GABRA5: variants seen among roughly 807,000 people sequenced by gnomAD.
GABRA5 encodes the protein gamma-aminobutyric acid type A receptor subunit alpha5.
GABRA5 carries 18 observed loss-of-function variants against 47.3 expected under a neutral mutation model. That is an observed-to-expected ratio of 0.38 (90% confidence interval 0.26 to 0.56). GABRA5 has a LOEUF of 0.56. Among genes scored for constraint, GABRA5 ranks in the 20% least tolerant of loss-of-function variants. The probability of loss-of-function intolerance (pLI) is 0.71; values close to 1 mark genes in which losing one functional copy is unlikely to be tolerated. For missense variants in GABRA5, 365 were observed against 599.3 expected, an observed-to-expected ratio of 0.61 and a Z score of 4.08; for synonymous variants, 237 against 229.3, an observed-to-expected ratio of 1.03 and a Z score of -0.30.
rs572806771 is a variant in GABRA5, at chr15:26,877,450, G to A, written c.87-3396G>A. Among the ~76,000 whole-genome samples the A allele has an allele frequency of 5.3e-5, 8 of 152,240 alleles. No homozygotes were observed. The South Asian group carries it at 1.5e-3, about 28-fold the overall frequency. ...TTTTCAGAAGTCATTAAATACTGGG[G>A]AAGAACAAAGTTTAAGAAGACAGAT... On this transcript the variant is annotated intron_variant, in intron 3 of 10. Transcript: ENST00000335625.
intron 7 of GABRA5, among the ~76,000 whole-genome samples, chr15:26,921,115 T>C (rs1893833521): frequency 6.6e-6 from 1 of 152,174 alleles, no homozygotes; most frequent in South Asian, 2.1e-4. Flanking sequence ...ATCTTTTGTT[T>C]TGGTGCCAGG....
chr15:26,884,516 G>A (rs1396971046), intron 6 of GABRA5, among the ~76,000 whole-genome samples: 2 of 152,028 alleles, frequency 1.3e-5, no homozygotes, highest in Non-Finnish European at 2.9e-5. Context: ...AAAAAAGGAA[G>A]CACATTCCTT....
intron 7 of GABRA5, among the ~76,000 whole-genome samples, chr15:26,931,518 T>C (rs1894108085): frequency 6.6e-6 from 1 of 152,186 alleles, no homozygotes; most frequent in South Asian, 2.1e-4. Context: ...ATAAGAATTT[T>C]GTGAAAGACA....
rs139899743 is a variant in GABRA5 at position 26,873,753 on chromosome 15, C to T, written c.86+4419C>T. On this transcript the variant is annotated intron_variant, in intron 3 of 10. Coordinates refer to ENST00000335625, the MANE Select transcript of GABRA5 (RefSeq NM_000810.4). ...ACCATAGCTGCGGGTTCATGAGGCC[C>T]GGGACAGTTATGATAACAATTCTGA... Among the ~76,000 whole-genome samples the T allele has an allele frequency of 6.1e-4, 93 of 152,200 alleles. 1 individual carries two copies. In the East Asian group the frequency reaches 0.015, roughly 25 times the overall value.
At chr15:26,928,360 G>A (rs1275422206) in intron 7 of GABRA5, among the ~76,000 whole-genome samples, 2 of 152,146 alleles carry the variant, frequency 1.3e-5, no homozygotes, top group Non-Finnish European at 2.9e-5. Context: ...TTACAGTCTC[G>A]ACAGTTGTAG....
chr15:26,883,085 G>T lies in GABRA5; in HGVS notation c.209-81G>T, dbSNP rs1316796993. ...CCCCCGGTTGCAGAGGGTGACCCTGGTTACTGGACTGAGAGCACGAGAGTG... is the reference window on the plus strand; with the variant it reads ...CCCCCGGTTGCAGAGGGTGACCCTGTTTACTGGACTGAGAGCACGAGAGTG... On this transcript the variant is annotated intron_variant, in intron 4 of 10. Coordinates refer to ENST00000335625, the MANE Select transcript of GABRA5 (RefSeq NM_000810.4). The surrounding 1 kb of genome is among the most constrained non-coding windows in gnomAD (Gnocchi z 4.8). 1 of 1,146,624 alleles carries T rather than the reference G, an allele frequency of 8.7e-7. No homozygotes were observed. The highest frequency in any genetic ancestry group is 1.7e-5 in the Admixed American group (1 of 59,222). 71.0% of individuals were successfully genotyped at this position (1,146,624 alleles called of 1,614,324 possible).
rs1014692448 is a variant in GABRA5 at position 26,883,730 on chromosome 15, G to A, written c.497+173G>A. 1.1e-4 allele frequency among the ~76,000 whole-genome samples: 16 copies of A among 152,352 alleles called. No individual in the cohort carries two copies. The highest frequency in any genetic ancestry group is 3.4e-3 in the Middle Eastern group (1 of 294). Reference sequence around the variant, plus strand: ...TCTGCCCACACCAGCGCTCTTGGACGTTCTTTCCCAGGGCTGCCATAGGTC... The same window carrying A: ...TCTGCCCACACCAGCGCTCTTGGACATTCTTTCCCAGGGCTGCCATAGGTC... On this transcript the variant is annotated intron_variant, in intron 6 of 10. Coordinates refer to ENST00000335625, the MANE Select transcript of GABRA5 (RefSeq NM_000810.4). This position sits in a 1 kb window ranked among gnomAD's most constrained non-coding sequence, Gnocchi z 4.8.
Position 26,883,033 on chromosome 15 carries a change from C to G in GABRA5, c.209-133C>G. 2.7e-6 allele frequency: 2 copies of G among 750,568 alleles called. No homozygotes were observed. Among genetic ancestry groups the G allele is most frequent in the South Asian group, 1.4e-5 (1 of 69,602 alleles). 46.5% of individuals were successfully genotyped at this position (750,568 alleles called of 1,614,324 possible). On this transcript the variant is annotated intron_variant, in intron 4 of 10. Transcript: ENST00000335625. This position sits in a 1 kb window ranked among gnomAD's most constrained non-coding sequence, Gnocchi z 4.8. ...TTTCATCTGGTAATTGTCAAGTCCT[C>G]CAAATTTACCAAACGCACTGCAAAA...
intron 9 of GABRA5, among the ~76,000 whole-genome samples, chr15:26,941,001 C>T (rs1228090189): frequency 6.6e-6 from 1 of 152,204 alleles, no homozygotes; most frequent in East Asian, 1.9e-4. Context: ...CTTTCCAAAG[C>T]AGGAAAATAT....
chr15:26,908,255 A>T (rs1200106962), intron 6 of GABRA5, among the ~76,000 whole-genome samples: 1 of 152,046 alleles, frequency 6.6e-6, no homozygotes. Context: ...CCTTTCCAAG[A>T]CGCCCCACTC....
At position 26,948,198 on chromosome 15, in the gene GABRA5, G is replaced by T; in HGVS notation, c.1354G>T (p.Glu452Ter). ...TTACTGGGCAACGTATTTGAATAGGGAGCCGGTGATAAAAGGAGCCGCCTC... is the reference window on the plus strand; with the variant it reads ...TTACTGGGCAACGTATTTGAATAGGTAGCCGGTGATAAAAGGAGCCGCCTC... The part of the protein sequence containing the change: ...LVYWATYLNR[E>*]PVIKGAASPK The change falls in exon 11 of 11, where the codon GAG becomes TAG. Residue 452 changes from glutamate to a stop codon, truncating the protein, a stop_gained. Transcript: ENST00000335625. LOFTEE classifies it high-confidence loss of function. 6.2e-7 allele frequency: 1 copy of T among 1,613,310 alleles called. No homozygotes were observed. Among genetic ancestry groups the T allele is most frequent in the Non-Finnish European group, 8.5e-7 (1 of 1,179,776 alleles).
At chr15:26,930,104 C>T (rs996920496) in intron 7 of GABRA5, among the ~76,000 whole-genome samples, 11 of 151,668 alleles carry the variant, frequency 7.3e-5, no homozygotes, top group African/African-American at 2.7e-4. Context: ...CCTCCACCTC[C>T]CGGGTTCAAG....
At chr15:26,894,911 T>C (rs9330524) in intron 6 of GABRA5, among the ~76,000 whole-genome samples, 145,867 of 152,030 alleles carry the variant, frequency 0.96, 70,092 homozygotes, top group East Asian at 1. Context: ...TCTGTCTATT[T>C]TATTTTCTGA....
At chr15:26,877,613 C>A in intron 3 of GABRA5, 1 of 452,792 alleles carries the variant, frequency 2.2e-6, no homozygotes. Flanking sequence ...TCACACACTG[C>A]CTTCACTAGC....
rs756569955 is a variant in GABRA5 at position 26,883,182 on chromosome 15, G to A, written c.225G>A (p.Val75=). 1.3e-5 allele frequency: 21 copies of A among 1,613,908 alleles called. No homozygotes were observed. The highest frequency in any genetic ancestry group is 1.8e-5 in the Non-Finnish European group (21 of 1,179,834). Residue 75 remains valine (V), a synonymous_variant, in exon 5 of 11, where the codon GTG becomes GTA. Coordinates refer to ENST00000335625, the MANE Select transcript of GABRA5 (RefSeq NM_000810.4). This position sits in a 1 kb window ranked among gnomAD's most constrained non-coding sequence, Gnocchi z 4.8. ...GTCTTTCAGAGCGCATCACTCAGGT[G>A]AGGACCGACATCTACGTCACCAGCT... ...RPGLGERITQ[V]RTDIYVTSFG...
At chr15:26,918,227 C>A (rs1229736390) in intron 7 of GABRA5, among the ~76,000 whole-genome samples, 1 of 152,006 alleles carries the variant, frequency 6.6e-6, no homozygotes, top group African/African-American at 2.4e-5. Context: ...TTCAAGGTAT[C>A]TTCTAAGTTC....
At chr15:26,929,347 C>T (rs577095742) in intron 7 of GABRA5, among the ~76,000 whole-genome samples, 8 of 152,300 alleles carry the variant, frequency 5.3e-5, no homozygotes, top group African/African-American at 1.7e-4. Context: ...CAGAACCGAG[C>T]GGGGCAAGTT....
intron 7 of GABRA5, among the ~76,000 whole-genome samples, chr15:26,924,440 T>C (rs1254297972): frequency 6.6e-6 from 1 of 152,180 alleles, no homozygotes; most frequent in East Asian, 1.9e-4. Flanking sequence ...GGAGAAAGTT[T>C]GGAACATCTA....
At chr15:26,866,776 AGGCCT>A (rs899725296), upstream of GABRA5, 5 of 152,306 alleles carry the variant, frequency 3.3e-5, no homozygotes, top group Non-Finnish European at 7.3e-5. Context: ...GGAAGGACCC[AGGCCT>A]GGGCAGGGAG....
Sources: gnomAD v4.1 joint callset for allele counts (sites outside exome capture counted in the v4.1 genomes callset) on GRCh38, gnomAD v4.1.1 for gene constraint, Gnocchi (gnomAD v3.1) non-coding constraint, MANE v1.5 for transcripts, NCBI Gene and HGNC (gene_info 2026-07-23, HGNC 2026-07-21) for gene names.